MEMO1: variants seen among roughly 807,000 people sequenced by gnomAD.
MEMO1 encodes the protein mediator of cell motility 1, also known as protein MEMO1.
In MEMO1, 6 loss-of-function variants were observed where a neutral mutation model predicts 45.2. The ratio of observed to expected loss-of-function variants is 0.13; its 90% CI spans 0.07 to 0.26. The LOEUF is 0.26. MEMO1 is among the 10% of genes least tolerant of loss of function. The pLI, the probability that MEMO1 is intolerant of heterozygous loss-of-function variation, is 1.00. For synonymous variants in MEMO1, 78 were observed against 124.3 expected (o/e 0.63, Z 2.48); for missense variants, 184 against 370.5 (o/e 0.50, Z 4.13).
At chr2:31,963,867 G>C (rs920345775) in intron 2 of MEMO1, among the ~76,000 whole-genome samples, 2 of 152,108 alleles carry the variant, frequency 1.3e-5, no homozygotes, top group South Asian at 2.1e-4. Context: ...CTAATACTGA[G>C]ATGTGCTATA....
intron 4 of MEMO1, 131 bp from the exon 5 acceptor site, chr2:31,921,041 C>T: frequency 3.4e-6 from 2 of 583,206 alleles, no homozygotes; most frequent in East Asian, 3.3e-5. Context: ...AATGGCTGAA[C>T]TGTGTTCCCC....
intron 2 of MEMO1, among the ~76,000 whole-genome samples, chr2:31,952,484 G>T (rs1217827191): frequency 7.9e-5 from 12 of 152,124 alleles, no homozygotes; most frequent in Admixed American, 7.9e-4. Flanking sequence ...CAAATTTGGA[G>T]AATCACAGTA....
At chr2:31,987,523 C>T (rs954851966) in intron 2 of MEMO1, among the ~76,000 whole-genome samples, 1 of 152,136 alleles carries the variant, frequency 6.6e-6, no homozygotes, top group African/African-American at 2.4e-5. Context: ...CAATGTAAGG[C>T]TAAATTTGTC....
chr2:31,923,670 T>C (rs1244958406), intron 4 of MEMO1: 1 of 1,547,774 alleles, frequency 6.5e-7, no homozygotes. Flanking sequence ...GGCATTTTTC[T>C]GATTGAGGAA....
At chr2:31,951,560 T>C (rs1460780585) in intron 2 of MEMO1, among the ~76,000 whole-genome samples, 1 of 151,620 alleles carries the variant, frequency 6.6e-6, no homozygotes, top group Non-Finnish European at 1.5e-5. Flanking sequence ...TGAGACGGAC[T>C]CTCACTCTGT....
In MEMO1 at chr2:31,868,299, T is replaced by C; in HGVS notation, c.*62A>G. 7.0e-7 allele frequency: 1 copy of C among 1,419,894 alleles called. No homozygotes were observed. The highest frequency in any genetic ancestry group is 9.2e-7 in the Non-Finnish European group (1 of 1,081,608). The allele number at this position is 1,419,894 out of a possible 1,614,324, so 88.0% of individuals were successfully genotyped here. On this transcript the variant is annotated 3_prime_UTR_variant, in exon 10 of 10. Coordinates refer to ENST00000404530, the MANE Select transcript of MEMO1 (RefSeq NM_001301833.4). ...CCAGGACCAGTATCGTGGTAAAGGC[T>C]AGGCTGGGACCCCGGACAGAGTATG...
chr2:31,929,461 G>T (rs902683238), intron 4 of MEMO1, among the ~76,000 whole-genome samples: 6 of 152,052 alleles, frequency 3.9e-5, no homozygotes, highest in Non-Finnish European at 7.4e-5. Context: ...GACATATTGT[G>T]TTCCAAATTA....
At chr2:31,907,726 G>C (rs1679968803) in intron 6 of MEMO1, among the ~76,000 whole-genome samples, 1 of 151,624 alleles carries the variant, frequency 6.6e-6, no homozygotes, top group South Asian at 2.1e-4. Flanking sequence ...ACGGGAGGTG[G>C]AAGTTGTGGT....
At position 32,003,937 on chromosome 2, in the gene MEMO1, G is replaced by A. The variant is rs146963583; in HGVS notation, c.61+6250C>T. 9.7e-3 allele frequency among the ~76,000 whole-genome samples: 1,471 copies of A among 152,226 alleles called. 26 individuals carry two copies. The highest frequency in any genetic ancestry group is 0.047 in the South Asian group (229 of 4,826). The stretch of plus-strand genomic sequence containing the variant: ...GGATGATGGCGCACATCTGTAGTTA[G>A]CTACTCAGGAAGCTGAGACAGGAGA... On this transcript the variant is annotated intron_variant, in intron 2 of 9. Coordinates refer to ENST00000404530, the MANE Select transcript of MEMO1 (RefSeq NM_001301833.4).
chr2:31,930,392 CT>C (rs1269966891), intron 4 of MEMO1, among the ~76,000 whole-genome samples: 2 of 152,038 alleles, frequency 1.3e-5, no homozygotes, highest in African/African-American at 4.8e-5. Flanking sequence ...TTCCTCTTTC[CT>C]TTTGCCTTCT....
At chr2:31,963,351 C>A (rs1668246889) in intron 2 of MEMO1, 1 of 1,252,882 alleles carries the variant, frequency 8.0e-7, no homozygotes. Flanking sequence ...GACACACATA[C>A]CCTACTGGTT....
At chr2:31,992,936 G>GA (rs961204942) in intron 2 of MEMO1, among the ~76,000 whole-genome samples, 1 of 151,554 alleles carries the variant, frequency 6.6e-6, no homozygotes, top group Non-Finnish European at 1.5e-5. Context: ...GAAAACTATG[G>GA]AAAAAAAATC....
chr2:31,965,225 A>G (rs1321621352), intron 2 of MEMO1, among the ~76,000 whole-genome samples: 1 of 151,306 alleles, frequency 6.6e-6, no homozygotes, highest in African/African-American at 2.4e-5. Context: ...AAAAAGAAAG[A>G]AAGGAAAGGA....
intron 6 of MEMO1, among the ~76,000 whole-genome samples, chr2:31,901,246 G>A (rs147487300): frequency 0.032 from 4,914 of 151,560 alleles, 164 homozygotes; most frequent in African/African-American, 0.081. Flanking sequence ...GGTGGCACAC[G>A]CTTGTCGTCC....
At chr2:31,899,414 G>A (rs552063689) in intron 6 of MEMO1, among the ~76,000 whole-genome samples, 15 of 152,290 alleles carry the variant, frequency 9.8e-5, no homozygotes, top group African/African-American at 3.4e-4. Context: ...TGAAAAACCT[G>A]ACAAAAACAA....
chr2:31,990,900 ATAT>A lies in MEMO1; in HGVS notation c.61+19284_61+19286del, dbSNP rs1273251863. Among the ~76,000 whole-genome samples, 3 of 152,152 alleles carry A rather than the reference ATAT, an allele frequency of 2.0e-5. No individual in the cohort carries two copies. The East Asian group carries it at 5.8e-4, about 29-fold the overall frequency. ...TGAGACTAGCAAGAGAACAAATGAT[ATAT>A]TATTTAGATATGCACTATATTGAAT... On this transcript the variant is annotated intron_variant, in intron 2 of 9. Coordinates refer to ENST00000404530, the MANE Select transcript of MEMO1 (RefSeq NM_001301833.4).
intron 8 of MEMO1, among the ~76,000 whole-genome samples, chr2:31,872,982 T>C (rs964080589): frequency 6.6e-6 from 1 of 152,200 alleles, no homozygotes; most frequent in Non-Finnish European, 1.5e-5. Flanking sequence ...ACCTATGTTT[T>C]TATGTTAACA....
At chr2:31,941,482 G>A (rs958455358) in intron 3 of MEMO1, among the ~76,000 whole-genome samples, 1 of 152,070 alleles carries the variant, frequency 6.6e-6, no homozygotes, top group Non-Finnish European at 1.5e-5. Context: ...ACCTGACATA[G>A]AATATAATTA....
At chr2:31,889,158 T>G (rs1211179959) in intron 7 of MEMO1, among the ~76,000 whole-genome samples, 3 of 152,070 alleles carry the variant, frequency 2.0e-5, no homozygotes, top group African/African-American at 7.2e-5. Flanking sequence ...AACCAATGAC[T>G]AGAAATGAAC....
Sources: gnomAD v4.1 joint callset for allele counts (sites outside exome capture counted in the v4.1 genomes callset) on GRCh38, gnomAD v4.1.1 for gene constraint, MANE v1.5 for transcripts, NCBI Gene and HGNC (gene_info 2026-07-23, HGNC 2026-07-21) for gene names.